The following WT1 variants were observed in gnomAD, a reference collection of about 807,000 sequenced individuals.
The protein encoded by WT1 is Wilms tumor protein.
A neutral mutation model predicts 60.8 loss-of-function variants in WT1; 8 were observed. That is an observed-to-expected ratio of 0.13 (90% confidence interval 0.08 to 0.24). The LOEUF is 0.24. Ranked by LOEUF, WT1 falls within the 10% of genes least tolerant of loss-of-function variation. The pLI is 1.00. For synonymous variants in WT1, 312 were observed against 297.1 expected (o/e 1.05, Z -0.52); for missense variants, 568 against 711.8 (o/e 0.80, Z 2.30).
intron 3 of WT1, among the ~76,000 whole-genome samples, chr11:32,421,551 AG>A (rs1373552079): frequency 6.6e-6 from 1 of 152,220 alleles, no homozygotes; most frequent in African/African-American, 2.4e-5. Flanking sequence ...CAAAGGAAAG[AG>A]GAAAGAAACT....
chr11:32,414,085 G>A (rs16926048), intron 5 of WT1, among the ~76,000 whole-genome samples: 2,854 of 152,266 alleles, frequency 0.019, 61 homozygotes, highest in Middle Eastern at 0.095. Context: ...AAATGGAAGC[G>A]GAAATTCGTG....
At chr11:32,416,668 T>C in intron 4 of WT1, 128 bp from the exon 5 acceptor site, 1 of 1,191,222 alleles carries the variant, frequency 8.4e-7, no homozygotes, top group Non-Finnish European at 1.2e-6. Flanking sequence ...TCAAGAGTGC[T>C]GAACTAAGTC....
At chr11:32,419,570 G>A (rs1375609049) in intron 3 of WT1, among the ~76,000 whole-genome samples, 2 of 152,152 alleles carry the variant, frequency 1.3e-5, no homozygotes, top group Non-Finnish European at 2.9e-5. Context: ...AGTGACAGAC[G>A]CTGATGCAGA....
chr11:32,428,942 T>G, intron 1 of WT1: 2 of 413,364 alleles, frequency 4.8e-6, no homozygotes, highest in Non-Finnish European at 9.2e-6. Context: ...ATAAAACTCG[T>G]TGCCTGATCG....
At chr11:32,428,675 A>T in intron 1 of WT1, 56 bp from the exon 2 acceptor site, 2 of 1,585,330 alleles carry the variant, frequency 1.3e-6, no homozygotes, top group Non-Finnish European at 1.7e-6. Flanking sequence ...AAGACGGGGC[A>T]GTGGGTCTGA....
chr11:32,410,641 G>A (rs572921697), intron 5 of WT1, among the ~76,000 whole-genome samples: 90 of 152,046 alleles, frequency 5.9e-4, no homozygotes, highest in South Asian at 1.5e-3. Flanking sequence ...TTTTGGTCCC[G>A]TCTGAATTTT....
At chr11:32,428,454 C>G (rs759850491) in intron 2 of WT1, 43 bp downstream of exon 2, 19 of 1,612,976 alleles carry the variant, frequency 1.2e-5, no homozygotes, top group Non-Finnish European at 1.4e-5. Context: ...GAGGATAGCA[C>G]GGAAGAAGGG....
chr11:32,409,974 T>C (rs899816048), intron 5 of WT1, among the ~76,000 whole-genome samples: 5 of 152,198 alleles, frequency 3.3e-5, no homozygotes, highest in African/African-American at 4.8e-5. Context: ...TTGCCCACAC[T>C]GGAGTGCAGT....
At chr11:32,422,398 C>T (rs971280333) in intron 3 of WT1, among the ~76,000 whole-genome samples, 1 of 152,202 alleles carries the variant, frequency 6.6e-6, no homozygotes, top group Non-Finnish European at 1.5e-5. Flanking sequence ...TTGCCCATCA[C>T]CCTGGAAGCC....
At position 32,434,995 on chromosome 11, in the gene WT1, C is replaced by T. The variant is rs1362739411; in HGVS notation, c.366G>A (p.Gly122=). 10 of 1,498,496 alleles carry T rather than the reference C, an allele frequency of 6.7e-6. No homozygotes were observed. The highest frequency in any genetic ancestry group is 7.9e-6 in the Non-Finnish European group (9 of 1,133,452). 92.8% of individuals were successfully genotyped at this position (1,498,496 alleles called of 1,614,324 possible). A position where few individuals can be genotyped will look rare whatever the true frequency, so the allele number is the denominator to read the frequency against. The stretch of plus-strand genomic sequence containing the variant: ...GTGGCGGCGCGGGGCCGCCCAACGA[C>T]CCGTAAGCCGAAGCGCCCGGGGGCG... Residue 122 remains glycine (G), a synonymous_variant, in exon 1 of 10, where the codon GGG becomes GGA. Transcript: ENST00000452863.
intron 4 of WT1, 44 bp from the exon 5 acceptor site, chr11:32,416,584 T>C (rs61889223): frequency 9.9e-6 from 16 of 1,612,258 alleles, no homozygotes; most frequent in Middle Eastern, 1.6e-4. Context: ...GGAGCATGCA[T>C]GGATCTGGCA....
At chr11:32,428,198 G>T (rs1853128710) in intron 2 of WT1, 140 bp from the exon 3 acceptor site, 2 of 909,826 alleles carry the variant, frequency 2.2e-6, no homozygotes, top group African/African-American at 1.7e-5. Context: ...GAGCGAGGCC[G>T]TCCAGAATGC....
At chr11:32,430,825 G>C in intron 1 of WT1, 2 of 1,287,100 alleles carry the variant, frequency 1.6e-6, no homozygotes, top group Non-Finnish European at 2.0e-6. Context: ...CCTGCGGAGC[G>C]GAGGGAGGTC....
chr11:32,396,727 CTA>C (rs1851987388), intron 6 of WT1, among the ~76,000 whole-genome samples: 1 of 152,228 alleles, frequency 6.6e-6, no homozygotes, highest in Non-Finnish European at 1.5e-5. Context: ...CCAATCCATT[CTA>C]TCTCTCAGCT....
chr11:32,428,706 G>C, intron 1 of WT1, 87 bp from the exon 2 acceptor site: 1 of 1,545,114 alleles, frequency 6.5e-7, no homozygotes, highest in Non-Finnish European at 8.7e-7. Context: ...GGCGGGGGGG[G>C]TGTGCGCTGA....
rs191565947 is a variant in WT1 at position 32,400,687 on chromosome 11, A to G, written c.1017-643T>C. 2.3e-4 allele frequency: 38 copies of G among 166,534 alleles called. No individual in the cohort carries two copies. The East Asian group carries it at 3.9e-3, about 17-fold the overall frequency. 10.3% of individuals were successfully genotyped at this position (166,534 alleles called of 1,614,324 possible). ...CTGGTGCTCAGGTTAAGCTTCGACT[A>G]CATAGGAAGAGCTGAAAGATGTGCA... is the stretch of plus-strand genomic sequence containing the variant. On this transcript the variant is annotated intron_variant, in intron 5 of 9. Transcript: ENST00000452863.
chr11:32,434,307 G>T (rs5030141), intron 1 of WT1, among the ~76,000 whole-genome samples: 31,889 of 152,218 alleles, frequency 0.21, 4,256 homozygotes, highest in East Asian at 0.68. Context: ...TCTGAAAAGC[G>T]CTACGCTTGG....
intron 5 of WT1, among the ~76,000 whole-genome samples, chr11:32,410,399 C>T (rs10835905): frequency 0.28 from 42,666 of 152,096 alleles, 6,758 homozygotes; most frequent in East Asian, 0.68. Flanking sequence ...CCTTTTGCAG[C>T]AGAACTCCAT....
intron 3 of WT1, among the ~76,000 whole-genome samples, chr11:32,424,214 A>C (rs1852950202): frequency 6.6e-6 from 1 of 151,506 alleles, no homozygotes; most frequent in Non-Finnish European, 1.5e-5. Context: ...GAGTAATCAG[A>C]TAGGGAATCC....
Sources: allele counts gnomAD v4.1 joint callset (sites outside exome capture counted in the v4.1 genomes callset), GRCh38; gene constraint gnomAD v4.1.1; transcripts MANE v1.5; gene names NCBI Gene and HGNC (gene_info 2026-07-23, HGNC 2026-07-21).